MCFD2: variants seen among roughly 807,000 people sequenced by gnomAD.
MCFD2 encodes the protein multiple coagulation factor deficiency protein 2.
A neutral mutation model predicts 12.8 loss-of-function variants in MCFD2; 11 were observed. The observed-to-expected ratio is 0.86, with a 90% CI of 0.54 to 1.42. MCFD2 has a LOEUF of 1.42. MCFD2 is among the 40% of genes most tolerant of loss of function. The pLI is 0.00. For synonymous variants in MCFD2, 70 were observed against 68.1 expected, an observed-to-expected ratio of 1.03 and a Z score of -0.14; for missense variants, 191 against 178.6, an observed-to-expected ratio of 1.07 and a Z score of -0.40.
At chr2:46,933,658 G>A (rs144662560) in intron 1 of MCFD2, among the ~76,000 whole-genome samples, 126 of 152,344 alleles carry the variant, frequency 8.3e-4, no homozygotes, top group African/African-American at 3.0e-3. Context: ...GTTGATTTCC[G>A]AATGTAGCGA....
In MCFD2 at chr2:46,941,398, G is replaced by A; in HGVS notation, c.-8+174C>T. The A allele has an allele frequency of 9.0e-6, 6 of 668,974 alleles. No homozygotes were observed. The highest frequency in any genetic ancestry group is 9.9e-6 in the Non-Finnish European group (5 of 507,482). The allele number at this position is 668,974 out of a possible 1,614,324, so 41.4% of individuals were successfully genotyped here. A position where few individuals can be genotyped will look rare whatever the true frequency, so the allele number is the denominator to read the frequency against. ...CTGCTGCTGCTGCCCACCCTCCGCC[G>A]CCCGGGCCCCCGCTGCCGCCCGGGC... On this transcript the variant is annotated intron_variant, in intron 1 of 2. Transcript: ENST00000409147. This position sits in a 1 kb window ranked among gnomAD's most constrained non-coding sequence, Gnocchi z 4.2.
rs1668299724 is a variant in MCFD2 at position 46,907,656 on chromosome 2, C to G, written c.309+154G>C. 6 of 846,692 alleles carry G rather than the reference C, an allele frequency of 7.1e-6. No homozygotes were observed. In the South Asian group the frequency reaches 7.4e-5, roughly 10 times the overall value. The allele number at this position is 846,692 out of a possible 1,614,324, so 52.4% of individuals were successfully genotyped here. A position where few individuals can be genotyped will look rare whatever the true frequency, so the allele number is the denominator to read the frequency against. ...AAGTGATCCTTCCACTTTGGCCTCC[C>G]AAAGTGCTGGGATTACAGATGCGAG... On this transcript the variant is annotated intron_variant, in intron 3 of 3. Coordinates refer to ENST00000319466, the MANE Select transcript of MCFD2 (RefSeq NM_139279.6). This position sits in a 1 kb window ranked among gnomAD's most constrained non-coding sequence, Gnocchi z 4.1.
upstream of MCFD2, among the ~76,000 whole-genome samples, chr2:46,920,663 A>T (rs1355553127): frequency 6.7e-6 from 1 of 149,898 alleles, no homozygotes; most frequent in Non-Finnish European, 1.5e-5. Context: ...AAAAAAAAAA[A>T]TAGATAAATT....
chr2:46,919,718 G>C, upstream of MCFD2, among the ~76,000 whole-genome samples: 1 of 152,226 alleles, frequency 6.6e-6, no homozygotes, highest in East Asian at 1.9e-4. Flanking sequence ...ACAGGGAGTA[G>C]GATGCAAAAG....
At chr2:46,912,855 G>A (rs1668540905) in intron 1 of MCFD2, among the ~76,000 whole-genome samples, 1 of 152,202 alleles carries the variant, frequency 6.6e-6, no homozygotes, top group Non-Finnish European at 1.5e-5. Flanking sequence ...TCCTTGGGGA[G>A]CTGGGGGGAT....
intron 1 of MCFD2, among the ~76,000 whole-genome samples, chr2:46,924,031 C>T (rs1006667815): frequency 3.3e-5 from 5 of 151,802 alleles, no homozygotes; most frequent in African/African-American, 4.8e-5. Context: ...CCACTGTGCC[C>T]GGCCTATAGA....
chr2:46,916,166 A>G, upstream of MCFD2: 1 of 985,458 alleles, frequency 1.0e-6, no homozygotes, highest in African/African-American at 1.7e-5. Flanking sequence ...CCTCCTATAC[A>G]GGGCTCTTGG....
chr2:46,925,209 G>T (rs1316332801), intron 1 of MCFD2, among the ~76,000 whole-genome samples: 1 of 152,158 alleles, frequency 6.6e-6, no homozygotes. Flanking sequence ...TCCCACCTCA[G>T]CATCCTGAGT....
chr2:46,941,558 C>G lies in MCFD2; in HGVS notation c.-8+14G>C, dbSNP rs746706559. The G allele has an allele frequency of 6.4e-7, 1 of 1,555,404 alleles. No homozygotes were observed. The highest frequency in any genetic ancestry group is 1.2e-5 in the South Asian group (1 of 84,356). On this transcript the variant is annotated intron_variant, in intron 1 of 2. Coordinates refer to the MCFD2 transcript ENST00000409147. The surrounding 1 kb of genome is among the most constrained non-coding windows in gnomAD (Gnocchi z 4.2). ...CGCGAGAAGATGGCTGCGAAGGGCG[C>G]GCACGGCTCCTACCTGAAGGTGGAG...
At chr2:46,914,937 T>C (rs887487028) in intron 1 of MCFD2, among the ~76,000 whole-genome samples, 1 of 152,164 alleles carries the variant, frequency 6.6e-6, no homozygotes, top group Non-Finnish European at 1.5e-5. Context: ...ATGAAGGGCT[T>C]TGCAAGCCCC....
chr2:46,926,059 C>T (rs557574630), intron 1 of MCFD2, among the ~76,000 whole-genome samples: 83 of 152,274 alleles, frequency 5.5e-4, no homozygotes, highest in African/African-American at 1.9e-3. Context: ...TGCCCTTAGT[C>T]TCTTATTTCT....
chr2:46,915,846 G>A (rs1402851823), upstream of MCFD2: 2 of 716,272 alleles, frequency 2.8e-6, no homozygotes, highest in Non-Finnish European at 3.3e-6. Flanking sequence ...CTGCGCACGC[G>A]CGCTCCCTGC....
upstream of MCFD2, chr2:46,916,011 C>T: frequency 1.0e-6 from 1 of 985,486 alleles, no homozygotes; most frequent in Non-Finnish European, 1.2e-6. Context: ...CTCGGCTCCA[C>T]TCCAGTTGGG....
At chr2:46,917,380 T>C, upstream of MCFD2, 1 of 587,222 alleles carries the variant, frequency 1.7e-6, no homozygotes, top group East Asian at 2.9e-5. Flanking sequence ...ATTAGTTTGA[T>C]CTAGTTCCTC....
intron 1 of MCFD2, among the ~76,000 whole-genome samples, chr2:46,923,692 G>C (rs1669231109): frequency 6.6e-6 from 1 of 152,002 alleles, no homozygotes; most frequent in African/African-American, 2.4e-5. Context: ...AGGAGTTTGA[G>C]ACCAGCCTGC....
At chr2:46,910,729 A>C (rs180736185) in intron 1 of MCFD2, 1 of 152,340 alleles carries the variant, frequency 6.6e-6, no homozygotes, top group East Asian at 1.9e-4. Flanking sequence ...AGGGGACAAT[A>C]GTCACTGGGA....
rs1414177794 is a variant in MCFD2 at position 46,913,069 on chromosome 2, A to C, written c.-7+2654T>G. On this transcript the variant is annotated intron_variant, in intron 1 of 3. Coordinates refer to ENST00000319466, the MANE Select transcript of MCFD2 (RefSeq NM_139279.6). The stretch of plus-strand genomic sequence containing the variant: ...AACACCAAAAAGCAACCAAGTGATT[A>C]ATCATGTAGTAACTATGAGTCCAAA... Among the ~76,000 whole-genome samples the C allele has an allele frequency of 2.0e-5, 3 of 152,186 alleles. No individual in the cohort carries two copies. The East Asian group carries it at 5.8e-4, about 29-fold the overall frequency.
chr2:46,927,884 GTTTTTTTTTTT>G (rs566447236), intron 1 of MCFD2, among the ~76,000 whole-genome samples: 5 of 73,322 alleles, frequency 6.8e-5, no homozygotes, highest in Non-Finnish European at 1.0e-4. Context: ...TTTTTTTGGT[GTTTTTTTTTTT>G]TTTTTTTTTT....
At position 46,927,355 on chromosome 2, in the gene MCFD2, A is replaced by ATTTT. The variant is rs60808815; in HGVS notation, c.-8+14213_-8+14216dup. Among the ~76,000 whole-genome samples the ATTTT allele has an allele frequency of 2.9e-3, 380 of 132,866 alleles. 1 individual carries two copies. The highest frequency in any genetic ancestry group is 5.0e-3 in the Non-Finnish European group (310 of 62,554). The allele number at this position is 132,866 out of a possible 152,430, so 87.2% of individuals were successfully genotyped here. A position where few individuals can be genotyped will look rare whatever the true frequency, so the allele number is the denominator to read the frequency against. On this transcript the variant is annotated intron_variant, in intron 1 of 2. Coordinates refer to the MCFD2 transcript ENST00000409147. ...TATTAAAGATAGAGGAGAAAAAAAG[A>ATTTT]TTTTTTTTTTTTTTTTTTTGAGATG...
Sources: gnomAD v4.1 joint callset for allele counts (sites outside exome capture counted in the v4.1 genomes callset) on GRCh38, gnomAD v4.1.1 for gene constraint, Gnocchi (gnomAD v3.1) non-coding constraint, MANE v1.5 for transcripts, NCBI Gene and HGNC (gene_info 2026-07-23, HGNC 2026-07-21) for gene names.